SLC25A28: variants seen among roughly 807,000 people sequenced by gnomAD.
The protein encoded by SLC25A28 is solute carrier family 25 member 28, also known as mitoferrin-2.
SLC25A28 carries 10 observed loss-of-function variants against 31.9 expected under a neutral mutation model. The ratio of observed to expected loss-of-function variants is 0.31; its 90% confidence interval spans 0.19 to 0.53. SLC25A28 has a LOEUF of 0.53. Ranked by LOEUF, SLC25A28 falls within the 20% of genes least tolerant of loss-of-function variation. SLC25A28 has a pLI of 0.95. For synonymous variants in SLC25A28, 208 were observed against 203.6 expected (o/e 1.02, Z -0.19); for missense variants, 256 against 490.3 (o/e 0.52, Z 4.51).
In SLC25A28 at chr10:99,620,176, G is replaced by A; in HGVS notation, c.160C>T (p.Arg54Ter). ...GEAGACRPPV[R>*]QDPDSGPDYE... ...TCCGGGCCGGAGTCCGGATCTTGTC[G>A]TACCGGGGGCCTGCAGGCCCCGGCC... The change falls in exon 1 of 4, where the codon CGA becomes TGA. Residue 54 changes from arginine (R) to a stop codon, truncating the protein, a stop_gained. Coordinates refer to ENST00000370495, the MANE Select transcript of SLC25A28 (RefSeq NM_031212.4). LOFTEE classifies it high-confidence loss of function. The A allele has an allele frequency of 6.5e-7, 1 of 1,530,704 alleles. No homozygotes were observed. The highest frequency in any genetic ancestry group is 8.7e-7 in the Non-Finnish European group (1 of 1,145,066). 94.8% of individuals were successfully genotyped at this position (1,530,704 alleles called of 1,614,324 possible).
chr10:99,639,471 A>G, the SLC25A28 span, among the ~76,000 whole-genome samples: 2 of 152,098 alleles, frequency 1.3e-5, no homozygotes, highest in African/African-American at 4.8e-5. Flanking sequence ...GTACCCCAAT[A>G]ACCTATGGAA....
At chr10:99,629,195 T>C in the SLC25A28 span, among the ~76,000 whole-genome samples, 28 of 152,244 alleles carry the variant, frequency 1.8e-4, no homozygotes, top group Admixed American at 9.8e-4. Flanking sequence ...CTCATTCTAT[T>C]AGTTTCAGTG....
At chr10:99,617,378 G>A in intron 1 of SLC25A28, 3 of 985,446 alleles carry the variant, frequency 3.0e-6, no homozygotes, top group Middle Eastern at 5.2e-4. Flanking sequence ...CTGATAAGTA[G>A]CTGAGGATGG....
At position 99,620,426 on chromosome 10, in the gene SLC25A28, G is replaced by A. The variant is rs762205023; in HGVS notation, c.-91C>T. On this transcript the variant is annotated 5_prime_UTR_variant, in exon 1 of 4. Transcript: ENST00000370495. ...GCCCCGTAGTGTCCGCCTCAGGCGCGGCCCAGAGAGCCCGGGGCCTCCGGC... is the reference window on the plus strand; with the variant it reads ...GCCCCGTAGTGTCCGCCTCAGGCGCAGCCCAGAGAGCCCGGGGCCTCCGGC... The A allele has an allele frequency of 2.6e-5, 27 of 1,042,190 alleles. No individual in the cohort carries two copies. Among genetic ancestry groups the A allele is most frequent in the East Asian group, 8.4e-5 (1 of 11,840 alleles). 64.6% of individuals were successfully genotyped at this position (1,042,190 alleles called of 1,614,324 possible). A position where few individuals can be genotyped will look rare whatever the true frequency, so the allele number is the denominator to read the frequency against.
At chr10:99,639,959 G>A in the SLC25A28 span, among the ~76,000 whole-genome samples, 201 of 151,902 alleles carry the variant, frequency 1.3e-3, no homozygotes, top group Middle Eastern at 0.014. Context: ...GGGGCAAAGA[G>A]TACAAAAAAA....
the SLC25A28 span, among the ~76,000 whole-genome samples, chr10:99,639,645 C>G: frequency 6.6e-6 from 1 of 151,296 alleles, no homozygotes; most frequent in Non-Finnish European, 1.5e-5. Flanking sequence ...GACTCCCTGC[C>G]CCCCCATCCC....
chr10:99,627,746 T>G, the SLC25A28 span, among the ~76,000 whole-genome samples: 1 of 152,140 alleles, frequency 6.6e-6, no homozygotes, highest in Non-Finnish European at 1.5e-5. Context: ...CTGCCCACTT[T>G]TAAGTTATTT....
chr10:99,612,496 A>C (rs193037257), intron 3 of SLC25A28, 47 bp downstream of exon 3: 343 of 1,600,228 alleles, frequency 2.1e-4, no homozygotes, highest in Non-Finnish European at 3.2e-5. Context: ...ACTGTAAAGA[A>C]ATACAGGTGC....
the SLC25A28 span, among the ~76,000 whole-genome samples, chr10:99,635,191 C>A: frequency 4.1e-4 from 62 of 152,256 alleles, 1 homozygote; most frequent in African/African-American, 1.4e-3. Context: ...AAAACAAAAT[C>A]TCTTTAAAGC....
At chr10:99,649,424 T>C in the SLC25A28 span, among the ~76,000 whole-genome samples, 1 of 152,224 alleles carries the variant, frequency 6.6e-6, no homozygotes, top group Non-Finnish European at 1.5e-5. Context: ...CTTTTTGTCA[T>C]GTCCTTGTCT....
At chr10:99,616,812 TC>T (rs2034667444) in intron 1 of SLC25A28, 2 of 929,008 alleles carry the variant, frequency 2.2e-6, no homozygotes, top group Admixed American at 6.2e-5. Context: ...TTATATAACT[TC>T]CCTAAGCCTC....
intron 1 of SLC25A28, chr10:99,617,084 A>G (rs2034675172): frequency 1.0e-6 from 1 of 985,270 alleles, no homozygotes; most frequent in Non-Finnish European, 1.2e-6. Flanking sequence ...ATATAAGTGG[A>G]TATTTGCTTT....
At position 99,613,602 on chromosome 10, in the gene SLC25A28, C is replaced by T. The variant is rs1023745470; in HGVS notation, c.520+94G>A. On this transcript the variant is annotated intron_variant, in intron 2 of 3. Transcript: ENST00000370495. The surrounding 1 kb of genome is among the most constrained non-coding windows in gnomAD (Gnocchi z 4.9). ...TCTGGCCTATCCCAGCCCAAAGCTT[C>T]AGCTCCAAACCATGCTGAGACTGGA... 1 of 1,587,320 alleles carries T rather than the reference C, an allele frequency of 6.3e-7. No individual in the cohort carries two copies. Among genetic ancestry groups the T allele is most frequent in the African/African-American group, 1.3e-5 (1 of 74,476 alleles).
the SLC25A28 span, among the ~76,000 whole-genome samples, chr10:99,634,299 T>C: frequency 1.3e-5 from 2 of 151,576 alleles, no homozygotes; most frequent in African/African-American, 4.9e-5. Flanking sequence ...CAAGAAGAAA[T>C]CCCTGATTTA....
intron 1 of SLC25A28, chr10:99,615,556 G>A (rs2034631371): frequency 1.0e-6 from 1 of 985,308 alleles, no homozygotes; most frequent in Non-Finnish European, 1.2e-6. Context: ...GTTAGTTACT[G>A]GATGTTCAAT....
At chr10:99,658,672 C>A in the SLC25A28 span, among the ~76,000 whole-genome samples, 2 of 151,988 alleles carry the variant, frequency 1.3e-5, no homozygotes, top group Non-Finnish European at 2.9e-5. Context: ...GTTGCTGGAG[C>A]GTGGTAAGGA....
chr10:99,616,097 G>C, intron 1 of SLC25A28: 1 of 985,348 alleles, frequency 1.0e-6, no homozygotes, highest in Non-Finnish European at 1.2e-6. Context: ...CAATAAATCT[G>C]CCTTTTACAG....
At chr10:99,617,836 A>G (rs1026615461) in intron 1 of SLC25A28, 1 of 948,114 alleles carries the variant, frequency 1.1e-6, no homozygotes, top group African/African-American at 1.8e-5. Context: ...TTTAAAAAAC[A>G]AAAATTCCAA....
At chr10:99,637,690 TGCAAAA>T in the SLC25A28 span, among the ~76,000 whole-genome samples, 7 of 152,192 alleles carry the variant, frequency 4.6e-5, no homozygotes, top group South Asian at 1.5e-3. Flanking sequence ...TTACAGTTGC[TGCAAAA>T]ACAAAAACAA....
Sources: gnomAD v4.1 joint callset for allele counts (sites outside exome capture counted in the v4.1 genomes callset) on GRCh38, gnomAD v4.1.1 for gene constraint, Gnocchi (gnomAD v3.1) non-coding constraint, MANE v1.5 for transcripts, NCBI Gene and HGNC (gene_info 2026-07-23, HGNC 2026-07-21) for gene names.